Variants in SLC17A6 observed in about 807,000 individuals in gnomAD.
The protein encoded by SLC17A6 is vesicular glutamate transporter 2.
Under a neutral mutation model 67.1 loss-of-function variants are expected in SLC17A6, and 35 were observed. The ratio of observed to expected loss-of-function variants is 0.52; its 90% CI spans 0.40 to 0.69. The LOEUF is 0.69. Among genes scored for constraint, SLC17A6 ranks in the 30% least tolerant of loss-of-function variants. The pLI, the probability that SLC17A6 is intolerant of heterozygous loss-of-function variation, is 0.00. For synonymous variants in SLC17A6, 285 were observed against 252.3 expected, an observed-to-expected ratio of 1.13 and a Z score of -1.23; for missense variants, 588 against 723.9, an observed-to-expected ratio of 0.81 and a Z score of 2.15.
intron 1 of SLC17A6, among the ~76,000 whole-genome samples, chr11:22,339,062 T>C (rs889253466): frequency 6.0e-5 from 6 of 100,344 alleles, no homozygotes; most frequent in African/African-American, 3.0e-4. Flanking sequence ...AGTAATGGTT[T>C]ATATATATAT....
At chr11:22,344,909 C>T (rs528867365) in intron 3 of SLC17A6, among the ~76,000 whole-genome samples, 12 of 152,022 alleles carry the variant, frequency 7.9e-5, no homozygotes, top group African/African-American at 2.7e-4. Context: ...AAAAGTATTT[C>T]CTAAATTAAA....
intron 11 of SLC17A6, among the ~76,000 whole-genome samples, chr11:22,377,032 T>C (rs1856239448): frequency 6.6e-6 from 1 of 152,168 alleles, no homozygotes; most frequent in Non-Finnish European, 1.5e-5. Context: ...AACAATATTA[T>C]CATCAGCTAT....
At chr11:22,361,543 C>A (rs1242024260) in intron 5 of SLC17A6, among the ~76,000 whole-genome samples, 1 of 152,026 alleles carries the variant, frequency 6.6e-6, no homozygotes, top group Non-Finnish European at 1.5e-5. Flanking sequence ...TTAATGTGAT[C>A]TTTAAGTATT....
intron 8 of SLC17A6, among the ~76,000 whole-genome samples, chr11:22,371,801 C>T (rs958307764): frequency 1.3e-5 from 2 of 151,928 alleles, no homozygotes; most frequent in African/African-American, 4.8e-5. Flanking sequence ...TAAATTCACA[C>T]ACACAGATTG....
intron 6 of SLC17A6, among the ~76,000 whole-genome samples, chr11:22,364,904 C>T (rs568118955): frequency 1.5e-4 from 23 of 152,092 alleles, no homozygotes; most frequent in African/African-American, 5.5e-4. Context: ...TTTGTCTGCC[C>T]AAAGAAGGAT....
chr11:22,359,255 CTGT>C (rs1856022613), intron 3 of SLC17A6, among the ~76,000 whole-genome samples, 155 bp from the exon 4 acceptor site: 1 of 152,044 alleles, frequency 6.6e-6, no homozygotes, highest in African/African-American at 2.4e-5. Flanking sequence ...AATGGCTAGC[CTGT>C]TAAGTCCAGA....
intron 3 of SLC17A6, among the ~76,000 whole-genome samples, chr11:22,351,207 C>T (rs1855933701): frequency 6.6e-6 from 1 of 151,772 alleles, no homozygotes; most frequent in South Asian, 2.1e-4. Flanking sequence ...TATCTTTATC[C>T]CGCACATGAC....
At chr11:22,354,752 T>C (rs1037976263) in intron 3 of SLC17A6, among the ~76,000 whole-genome samples, 2 of 152,232 alleles carry the variant, frequency 1.3e-5, no homozygotes, top group African/African-American at 2.4e-5. Context: ...ATCTATATGA[T>C]GTTGGCAAGT....
At chr11:22,345,079 A>T (rs1042146699) in intron 3 of SLC17A6, among the ~76,000 whole-genome samples, 1 of 152,062 alleles carries the variant, frequency 6.6e-6, no homozygotes, top group African/African-American at 2.4e-5. Context: ...GGTTTTTTTC[A>T]GAGTCAAAAT....
intron 7 of SLC17A6, among the ~76,000 whole-genome samples, chr11:22,368,173 C>T (rs1363163362): frequency 6.6e-6 from 1 of 152,024 alleles, no homozygotes; most frequent in Non-Finnish European, 1.5e-5. Context: ...TACTATCACA[C>T]TTAACATAAT....
At chr11:22,367,136 G>A (rs1308807947) in intron 7 of SLC17A6, among the ~76,000 whole-genome samples, 2 of 151,688 alleles carry the variant, frequency 1.3e-5, no homozygotes, top group Non-Finnish European at 2.9e-5. Flanking sequence ...TACACTAGTT[G>A]AAGAAACAAT....
At chr11:22,370,979 C>T (rs1856169624) in intron 8 of SLC17A6, among the ~76,000 whole-genome samples, 1 of 152,022 alleles carries the variant, frequency 6.6e-6, no homozygotes, top group African/African-American at 2.4e-5. Flanking sequence ...TGTTGTTTGA[C>T]CTGTTGAACA....
At chr11:22,365,918 G>T (rs1856106883) in intron 7 of SLC17A6, among the ~76,000 whole-genome samples, 1 of 151,680 alleles carries the variant, frequency 6.6e-6, no homozygotes, top group Non-Finnish European at 1.5e-5. Context: ...ATGTACACTG[G>T]GTGATAACTA....
chr11:22,359,790 A>AC (rs1335702288), intron 4 of SLC17A6, among the ~76,000 whole-genome samples: 1 of 150,038 alleles, frequency 6.7e-6, no homozygotes, highest in Non-Finnish European at 1.5e-5. Flanking sequence ...TTGACTTAAA[A>AC]AAAAACAGGG....
At chr11:22,375,566 C>T (rs906552256) in intron 9 of SLC17A6, among the ~76,000 whole-genome samples, 4 of 151,508 alleles carry the variant, frequency 2.6e-5, no homozygotes, top group African/African-American at 7.3e-5. Context: ...CCACAACCCC[C>T]GCCTCCCGGG....
chr11:22,351,850 A>G (rs35420106), intron 3 of SLC17A6, among the ~76,000 whole-genome samples: 14,952 of 152,198 alleles, frequency 0.098, 786 homozygotes, highest in South Asian at 0.15. Context: ...AAACCCAATT[A>G]TAAGTGTCAA....
At chr11:22,349,625 A>T (rs188346910) in intron 3 of SLC17A6, among the ~76,000 whole-genome samples, 22 of 152,246 alleles carry the variant, frequency 1.4e-4, no homozygotes, top group African/African-American at 5.3e-4. Flanking sequence ...ACATGATTTG[A>T]GGAAGGAGAG....
At chr11:22,375,237 T>C (rs1856219971) in intron 9 of SLC17A6, among the ~76,000 whole-genome samples, 1 of 151,484 alleles carries the variant, frequency 6.6e-6, no homozygotes, top group Non-Finnish European at 1.5e-5. Context: ...CTGGGCATGG[T>C]GGTGAGTGCC....
intron 1 of SLC17A6, among the ~76,000 whole-genome samples, chr11:22,339,181 T>TTATATATATGTTTTA (rs1855782259): frequency 1.2e-5 from 1 of 82,826 alleles, no homozygotes; most frequent in Non-Finnish European, 2.3e-5. Context: ...TATATATGTT[T>TTATATATATGTTTTA]TATATATATA....
Sources: allele counts gnomAD v4.1 joint callset (sites outside exome capture counted in the v4.1 genomes callset), GRCh38; gene constraint gnomAD v4.1.1; transcripts MANE v1.5; gene names NCBI Gene and HGNC (gene_info 2026-07-23, HGNC 2026-07-21).